The following ADAMTS12 variants were observed in gnomAD, a reference collection of about 807,000 sequenced individuals.
ADAMTS12 encodes the protein A disintegrin and metalloproteinase with thrombospondin motifs 12.
In ADAMTS12, 118 loss-of-function variants were observed where a neutral mutation model predicts 167.8. The observed-to-expected ratio is 0.70, with a 90% CI of 0.61 to 0.82. The LOEUF (loss-of-function observed/expected upper bound fraction) is 0.82, where lower values mean the gene tolerates loss of function less well. ADAMTS12 is among the 40% of genes least tolerant of loss of function. The pLI, the probability that ADAMTS12 is intolerant of heterozygous loss-of-function variation, is 0.00. For missense variants in ADAMTS12, 1,916 were observed against 1,998.8 expected (o/e 0.96, Z 0.79); for synonymous variants, 704 against 716.9 (o/e 0.98, Z 0.29).
chr5:33,536,520 C>T (rs1579632854), intron 22 of ADAMTS12, among the ~76,000 whole-genome samples: 2 of 152,156 alleles, frequency 1.3e-5, no homozygotes, highest in Admixed American at 1.3e-4. Context: ...TGCCTTCTGC[C>T]TATTTAGTGG....
Position 33,748,600 on chromosome 5 carries a change from T to C in ADAMTS12, c.634+2804A>G, listed in dbSNP as rs1744873271. Among the ~76,000 whole-genome samples the C allele has an allele frequency of 2.0e-5, 3 of 152,204 alleles. No homozygotes were observed. In the South Asian group the frequency reaches 6.2e-4, roughly 31 times the overall value. On this transcript the variant is annotated intron_variant, in intron 3 of 23. Transcript: ENST00000504830. ...AAATGAATTGATATCCTTTCTCTCT[T>C]GAAGCACTAGGGTACTTTTAAATTA... is the stretch of plus-strand genomic sequence containing the variant.
intron 5 of ADAMTS12, among the ~76,000 whole-genome samples, chr5:33,678,200 C>T (rs979729548): frequency 5.3e-5 from 8 of 152,306 alleles, no homozygotes; most frequent in African/African-American, 1.4e-4. Flanking sequence ...GAGTATCCCA[C>T]AGGATTAGAT....
Position 33,881,257 on chromosome 5 carries a change from G to T in ADAMTS12, c.351C>A (p.Tyr117Ter). ...TVNQGFLSNS[Y>*]IMEKRYGNLS... is the part of the protein sequence containing the mutation. ...GGTTCCCATATCTCTTCTCCATGATGTAGCTATTGGAAAGAAATCCTTGAT... is the reference window on the plus strand; with the variant it reads ...GGTTCCCATATCTCTTCTCCATGATTTAGCTATTGGAAAGAAATCCTTGAT... Residue 117 changes from tyrosine to a stop codon, truncating the protein, a stop_gained, in exon 2 of 24, where the codon TAC becomes TAA. Coordinates refer to ENST00000504830, the MANE Select transcript of ADAMTS12 (RefSeq NM_030955.4). LOFTEE classifies it high-confidence loss of function. 3 of 1,614,166 alleles carry T rather than the reference G, an allele frequency of 1.9e-6. No individual in the cohort carries two copies. Among genetic ancestry groups the T allele is most frequent in the Non-Finnish European group, 2.5e-6 (3 of 1,180,034 alleles).
intron 2 of ADAMTS12, among the ~76,000 whole-genome samples, chr5:33,780,641 T>C (rs1746091661): frequency 6.6e-6 from 1 of 152,182 alleles, no homozygotes; most frequent in African/African-American, 2.4e-5. Flanking sequence ...GTCTAAACTT[T>C]TGTTTATGCC....
chr5:33,670,149 C>T (rs1026541476), intron 5 of ADAMTS12, among the ~76,000 whole-genome samples: 3 of 45,214 alleles, frequency 6.6e-5, no homozygotes, highest in Non-Finnish European at 1.4e-4. Context: ...GCTCTCAACA[C>T]TCAACAATAA....
intron 2 of ADAMTS12, among the ~76,000 whole-genome samples, chr5:33,825,092 T>C (rs1354671767): frequency 6.6e-6 from 1 of 152,172 alleles, no homozygotes; most frequent in Non-Finnish European, 1.5e-5. Context: ...TAAAAGTAGC[T>C]AGCAAGCACA....
At position 33,524,943 on chromosome 5, in the gene ADAMTS12, G is replaced by C. The variant is rs1445309308; in HGVS notation, c.*2245C>G. ...GATTGTAAATAACGTGGTCCATTTT[G>C]TACACGGAGAAATTTGGCCTAGTTT... On this transcript the variant is annotated 3_prime_UTR_variant, in exon 24 of 24. Transcript: ENST00000504830. 2 of 152,212 alleles carry C rather than the reference G, an allele frequency of 1.3e-5. No homozygotes were observed. Among genetic ancestry groups the C allele is most frequent in the African/African-American group, 4.8e-5 (2 of 41,450 alleles). The allele number at this position is 152,212 out of a possible 1,614,324, so 9.4% of individuals were successfully genotyped here. A position where few individuals can be genotyped will look rare whatever the true frequency, so the allele number is the denominator to read the frequency against.
rs116328230 is a variant in ADAMTS12 at position 33,813,110 on chromosome 5, T to C, written c.490-61562A>G. Among the ~76,000 whole-genome samples, 545 of 152,358 alleles carry C rather than the reference T, an allele frequency of 3.6e-3. 2 individuals are homozygous for C. The highest frequency in any genetic ancestry group is 0.013 in the African/African-American group (528 of 41,590). On this transcript the variant is annotated intron_variant, in intron 2 of 23. Transcript: ENST00000504830. ...GATAGCCAGTACCAGCTTGCAGCCA[T>C]GTGGGTGACTTGCTGGATCACGCAA...
intron 3 of ADAMTS12, among the ~76,000 whole-genome samples, chr5:33,700,926 C>T (rs987558956): frequency 3.3e-5 from 5 of 152,068 alleles, no homozygotes; most frequent in African/African-American, 9.7e-5. Context: ...AAAACCTACA[C>T]GTAAATCTCC....
chr5:33,874,848 T>C (rs755509421), intron 2 of ADAMTS12, among the ~76,000 whole-genome samples: 12 of 152,126 alleles, frequency 7.9e-5, no homozygotes, highest in African/African-American at 1.4e-4. Context: ...GGTGGGCAGA[T>C]TATGAGGTCA....
intron 2 of ADAMTS12, among the ~76,000 whole-genome samples, chr5:33,849,948 C>T (rs1169896403): frequency 1.3e-5 from 2 of 151,870 alleles, no homozygotes; most frequent in African/African-American, 2.4e-5. Flanking sequence ...ACACACTATA[C>T]TAGTAGCAGA....
rs1195124221 is a variant in ADAMTS12 at position 33,534,958 on chromosome 5, C to T, written c.4481G>A (p.Arg1494Lys). 2 of 1,611,254 alleles carry T rather than the reference C, an allele frequency of 1.2e-6. No homozygotes were observed. Among genetic ancestry groups the T allele is most frequent in the Middle Eastern group, 1.7e-4 (1 of 5,998 alleles). The change falls in exon 23 of 24, where the codon AGG becomes AAG. Residue 1494 changes from arginine to lysine, a missense_variant. Transcript: ENST00000504830. ...STSCGGGFQK[R>K]TVQCVPSEGN... Reference sequence around the variant, plus strand: ...CTCTGAGGGCACACATTGGACAGTCCTCTTCTGAAAGCCACCTCCACAGGA... The same window carrying T: ...CTCTGAGGGCACACATTGGACAGTCTTCTTCTGAAAGCCACCTCCACAGGA...
intron 2 of ADAMTS12, among the ~76,000 whole-genome samples, chr5:33,789,310 A>G (rs551611103): frequency 1.3e-5 from 2 of 152,226 alleles, no homozygotes; most frequent in African/African-American, 2.4e-5. Context: ...ACAGCTGCCA[A>G]TGAAACTCCA....
chr5:33,864,222 C>G (rs1378932385), intron 2 of ADAMTS12, among the ~76,000 whole-genome samples: 1 of 152,120 alleles, frequency 6.6e-6, no homozygotes, highest in Non-Finnish European at 1.5e-5. Context: ...ATGCAGCCAA[C>G]AAACATATGA....
At chr5:33,585,194 G>A (rs1174076423) in intron 18 of ADAMTS12, among the ~76,000 whole-genome samples, 1 of 151,994 alleles carries the variant, frequency 6.6e-6, no homozygotes, top group African/African-American at 2.4e-5. Context: ...TCTCATTGGG[G>A]GTACCAGGGG....
rs1196261309 is a variant in ADAMTS12, at chr5:33,624,240, C to T, written c.2134G>A (p.Glu712Lys). The change falls in exon 14 of 24, where the codon GAA becomes AAA. Residue 712 changes from glutamate (E) to lysine (K), a missense_variant. Physicochemically the swap from Glu to Lys is moderately conservative, Grantham distance 56. Coordinates refer to ENST00000504830, the MANE Select transcript of ADAMTS12 (RefSeq NM_030955.4). The stretch of plus-strand genomic sequence containing the variant: ...TTTATTTGTTTATTACCAGATCCTT[C>T]CTTCTGCTTAAACATCTTTCTCACA... ...QTVRKMFKQKEGSGYVDIGLI... is the reference protein window; with the variant it reads ...QTVRKMFKQKKGSGYVDIGLI... The T allele has an allele frequency of 6.2e-7, 1 of 1,614,120 alleles. No homozygotes were observed. The highest frequency in any genetic ancestry group is 1.1e-5 in the South Asian group (1 of 91,070).
chr5:33,719,392 A>G (rs1743729258), intron 3 of ADAMTS12, among the ~76,000 whole-genome samples: 1 of 152,194 alleles, frequency 6.6e-6, no homozygotes, highest in South Asian at 2.1e-4. Flanking sequence ...GGTTGGGTGA[A>G]AAGTGATACA....
At chr5:33,543,949 C>G (rs1484437008) in intron 22 of ADAMTS12, among the ~76,000 whole-genome samples, 4 of 152,156 alleles carry the variant, frequency 2.6e-5, no homozygotes, top group Non-Finnish European at 1.5e-5. Context: ...TGAAAACTGG[C>G]ACAAGACAGG....
intron 2 of ADAMTS12, among the ~76,000 whole-genome samples, chr5:33,856,953 G>A (rs917134100): frequency 2.6e-5 from 4 of 152,220 alleles, no homozygotes; most frequent in African/African-American, 4.8e-5. Context: ...GCAATCTCAC[G>A]TTTATGGCAG....
Sources: gnomAD v4.1 joint callset for allele counts (sites outside exome capture counted in the v4.1 genomes callset) on GRCh38, gnomAD v4.1.1 for gene constraint, MANE v1.5 for transcripts, NCBI Gene and HGNC (gene_info 2026-07-23, HGNC 2026-07-21) for gene names.